The following EPHA6 variants were observed in gnomAD, a reference collection of about 807,000 sequenced individuals.
EPHA6 encodes ephrin type-A receptor 6.
EPHA6 carries 50 observed loss-of-function variants against 112.0 expected under a neutral mutation model. That is an observed-to-expected ratio of 0.45 (90% CI 0.36 to 0.56). The LOEUF is 0.56. Among genes scored for constraint, EPHA6 ranks in the 20% least tolerant of loss-of-function variants. EPHA6 has a pLI of 0.00. For missense variants in EPHA6, 1,280 were observed against 1,417.4 expected, an observed-to-expected ratio of 0.90 and a Z score of 1.56; for synonymous variants, 529 against 490.7, an observed-to-expected ratio of 1.08 and a Z score of -1.03.
At chr3:97,271,491 A>AG (rs767305090) in intron 5 of EPHA6, among the ~76,000 whole-genome samples, 179 of 152,080 alleles carry the variant, frequency 1.2e-3, no homozygotes, top group Non-Finnish European at 2.3e-3. Flanking sequence ...CTGAGTAATT[A>AG]TGATTACAGG....
intron 3 of EPHA6, among the ~76,000 whole-genome samples, chr3:97,091,336 G>T (rs575527246): frequency 3.3e-5 from 5 of 152,262 alleles, no homozygotes; most frequent in African/African-American, 1.2e-4. Flanking sequence ...ATGGATCAGA[G>T]TCTCAATAAC....
intron 10 of EPHA6, 69 bp from the exon 11 acceptor site, chr3:97,532,289 G>A (rs2092704262): frequency 7.3e-7 from 1 of 1,363,874 alleles, no homozygotes; most frequent in East Asian, 2.3e-5. Context: ...GTCACTGTAT[G>A]ACAGTTTGAC....
intron 3 of EPHA6, among the ~76,000 whole-genome samples, chr3:97,198,531 T>A (rs548452246): frequency 1.3e-5 from 2 of 152,144 alleles, no homozygotes; most frequent in East Asian, 3.9e-4. Flanking sequence ...ATACAAGCAC[T>A]CTGGATTGCT....
chr3:97,212,944 C>T (rs887212385), intron 3 of EPHA6, among the ~76,000 whole-genome samples: 1 of 152,152 alleles, frequency 6.6e-6, no homozygotes, highest in Non-Finnish European at 1.5e-5. Flanking sequence ...TATATGATTT[C>T]TATGTTGATG....
rs1463259676 is a variant in EPHA6 at position 97,184,675 on chromosome 3, A to G, written c.1115-41589A>G. 2.6e-5 allele frequency among the ~76,000 whole-genome samples: 4 copies of G among 152,192 alleles called. No individual in the cohort carries two copies. In the East Asian group the frequency reaches 7.7e-4, roughly 29 times the overall value. On this transcript the variant is annotated intron_variant, in intron 3 of 17. Coordinates refer to ENST00000389672, the MANE Select transcript of EPHA6 (RefSeq NM_001080448.3). ...TATAGATTCAATGCCATCCCCATCAAGCTACCAATGACTTTCTTCACAGAA... is the reference window on the plus strand; with the variant it reads ...TATAGATTCAATGCCATCCCCATCAGGCTACCAATGACTTTCTTCACAGAA...
chr3:97,042,535 G>A (rs1433945750), intron 3 of EPHA6, among the ~76,000 whole-genome samples: 1 of 152,080 alleles, frequency 6.6e-6, no homozygotes, highest in Non-Finnish European at 1.5e-5. Flanking sequence ...GAAATTTTGA[G>A]CACCTAACTC....
intron 1 of EPHA6, among the ~76,000 whole-genome samples, chr3:96,837,590 T>TAGGCAG (rs1474607987): frequency 1.6e-4 from 25 of 152,202 alleles, no homozygotes; most frequent in Non-Finnish European, 2.9e-4. Context: ...CCTAAACTGT[T>TAGGCAG]TACCAGGTCA....
intron 3 of EPHA6, among the ~76,000 whole-genome samples, chr3:97,049,805 G>T (rs1305942825): frequency 6.6e-6 from 1 of 152,096 alleles, no homozygotes; most frequent in African/African-American, 2.4e-5. Flanking sequence ...GATCTTCGGA[G>T]AACTGATAGA....
chr3:97,760,958 A>G lies in EPHA6; in HGVS notation c.*12257A>G, dbSNP rs2036149782. 5.0e-6 allele frequency: 1 copy of G among 201,358 alleles called. No individual in the cohort carries two copies. Among genetic ancestry groups the G allele is most frequent in the Admixed American group, 6.0e-5 (1 of 16,640 alleles). The allele number at this position is 201,358 out of a possible 1,614,324, so 12.5% of individuals were successfully genotyped here. A position where few individuals can be genotyped will look rare whatever the true frequency, so the allele number is the denominator to read the frequency against. On this transcript the variant is annotated 3_prime_UTR_variant, in exon 18 of 18. Transcript: ENST00000389672. ...ATCTATGAGAATAGGGAAGTATAGC[A>G]CTGTTTTATGTTTTTCTCTTTAGTA...
intron 6 of EPHA6, among the ~76,000 whole-genome samples, chr3:97,430,522 A>T (rs1001161433): frequency 6.6e-6 from 1 of 152,128 alleles, no homozygotes; most frequent in African/African-American, 2.4e-5. Context: ...TTATTGGAAT[A>T]AGCCTCAAAT....
chr3:97,193,661 T>C (rs558889456), intron 3 of EPHA6, among the ~76,000 whole-genome samples: 12 of 152,184 alleles, frequency 7.9e-5, no homozygotes, highest in Admixed American at 5.2e-4. Flanking sequence ...AGGTAGGACT[T>C]GCAGTATTAT....
intron 11 of EPHA6, among the ~76,000 whole-genome samples, chr3:97,569,099 G>C (rs765521963): frequency 1.3e-5 from 2 of 152,150 alleles, no homozygotes; most frequent in African/African-American, 4.8e-5. Flanking sequence ...CCCAAATCAA[G>C]TCAGGTCAGA....
intron 3 of EPHA6, among the ~76,000 whole-genome samples, chr3:97,143,742 C>T (rs867747219): frequency 7.9e-5 from 12 of 151,604 alleles, no homozygotes; most frequent in Admixed American, 1.3e-4. Flanking sequence ...TTTCTTGTAT[C>T]CCATCACCAA....
At chr3:97,229,507 T>G (rs1485068103) in intron 4 of EPHA6, among the ~76,000 whole-genome samples, 1 of 152,188 alleles carries the variant, frequency 6.6e-6, no homozygotes, top group Non-Finnish European at 1.5e-5. Context: ...TTGTTTGCTT[T>G]TATTTTTATT....
At chr3:97,728,257 G>T (rs1241729548) in intron 15 of EPHA6, among the ~76,000 whole-genome samples, 2 of 11,896 alleles carry the variant, frequency 1.7e-4, no homozygotes, top group East Asian at 6.8e-3. Context: ...CACCAGTGAA[G>T]AAATTTCATT....
chr3:97,433,914 G>T (rs2089667294), intron 6 of EPHA6, among the ~76,000 whole-genome samples: 1 of 152,032 alleles, frequency 6.6e-6, no homozygotes, highest in Admixed American at 6.6e-5. Context: ...CCCATGGCTT[G>T]GTGCTTTCTA....
At chr3:97,734,406 C>G (rs77287105) in intron 15 of EPHA6, among the ~76,000 whole-genome samples, 10,251 of 151,998 alleles carry the variant, frequency 0.067, 1,098 homozygotes, top group African/African-American at 0.23. Flanking sequence ...TCTTAAAACC[C>G]AAGCCTAGTT....
At position 97,140,674 on chromosome 3, in the gene EPHA6, C is replaced by G. The variant is rs75366360; in HGVS notation, c.1115-85590C>G. On this transcript the variant is annotated intron_variant, in intron 3 of 17. Coordinates refer to ENST00000389672, the MANE Select transcript of EPHA6 (RefSeq NM_001080448.3). Reference sequence around the variant, plus strand: ...CTAGACTGGCACTACAAGAAGAGCTCAAAGGAATTCTAAACCTAGAAACAA... The same window carrying G: ...CTAGACTGGCACTACAAGAAGAGCTGAAAGGAATTCTAAACCTAGAAACAA... Among the ~76,000 whole-genome samples the G allele has an allele frequency of 7.5e-4, 114 of 152,084 alleles. 2 individuals are homozygous for G. In the East Asian group the frequency reaches 0.02, roughly 27 times the overall value.
chr3:97,053,942 G>T (rs898746543), intron 3 of EPHA6, among the ~76,000 whole-genome samples: 2 of 151,934 alleles, frequency 1.3e-5, no homozygotes, highest in African/African-American at 2.4e-5. Flanking sequence ...CTTCCCTTGT[G>T]TTTCACCTAA....
Sources: gnomAD v4.1 joint callset for allele counts (sites outside exome capture counted in the v4.1 genomes callset) on GRCh38, gnomAD v4.1.1 for gene constraint, MANE v1.5 for transcripts, NCBI Gene and HGNC (gene_info 2026-07-23, HGNC 2026-07-21) for gene names.